Variants in FSTL4 observed in about 807,000 individuals in gnomAD.
FSTL4 encodes follistatin-related protein 4.
A neutral mutation model predicts 78.2 loss-of-function variants in FSTL4; 28 were observed. That is an observed-to-expected ratio of 0.36 (90% confidence interval 0.27 to 0.49). The LOEUF (loss-of-function observed/expected upper bound fraction) is 0.49. Among genes scored for constraint, FSTL4 ranks in the 20% least tolerant of loss-of-function variants. The pLI is 0.98. For synonymous variants in FSTL4, 422 were observed against 440.5 expected (o/e 0.96, Z 0.53); for missense variants, 922 against 1,084.9 (o/e 0.85, Z 2.11).
intron 6 of FSTL4, among the ~76,000 whole-genome samples, chr5:133,288,942 C>G (rs1374413230): frequency 6.6e-6 from 1 of 152,264 alleles, no homozygotes; most frequent in Admixed American, 6.5e-5. Flanking sequence ...AGGCTGCTCT[C>G]CATACCCTAG....
At chr5:133,411,379 A>T (rs1756474660) in intron 3 of FSTL4, among the ~76,000 whole-genome samples, 1 of 152,202 alleles carries the variant, frequency 6.6e-6, no homozygotes, top group Admixed American at 6.5e-5. Flanking sequence ...CAACAAGAAA[A>T]TCAGGAGAAT....
At chr5:133,554,512 T>C (rs1173586070) in intron 3 of FSTL4, among the ~76,000 whole-genome samples, 1 of 152,168 alleles carries the variant, frequency 6.6e-6, no homozygotes, top group Non-Finnish European at 1.5e-5. Context: ...AAAGTGAAAT[T>C]TGAAATGTGG....
intron 3 of FSTL4, among the ~76,000 whole-genome samples, chr5:133,462,879 G>T (rs1757626374): frequency 6.6e-6 from 1 of 152,308 alleles, no homozygotes. Flanking sequence ...CTGTAACCTA[G>T]AGAGCAGGTG....
In FSTL4 at chr5:133,440,637, T is replaced by C. The variant is rs184024022; in HGVS notation, c.161-39651A>G. Among the ~76,000 whole-genome samples the C allele has an allele frequency of 3.3e-5, 5 of 152,328 alleles. No individual in the cohort carries two copies. Among genetic ancestry groups the C allele is most frequent in the South Asian group, 2.1e-4 (1 of 4,834 alleles). On this transcript the variant is annotated intron_variant, in intron 3 of 15. Transcript: ENST00000265342. This position sits in a 1 kb window ranked among gnomAD's most constrained non-coding sequence, Gnocchi z 4.1. Reference sequence around the variant, plus strand: ...TCACCTCCCTGGAGGCACAGGGTAGTGGCCTGAGTCATTCCACTGGCAGAA... The same window carrying C: ...TCACCTCCCTGGAGGCACAGGGTAGCGGCCTGAGTCATTCCACTGGCAGAA...
chr5:133,249,324 C>T (rs545424687), intron 7 of FSTL4, 86 bp downstream of exon 7: 41 of 1,052,646 alleles, frequency 3.9e-5, no homozygotes, highest in Middle Eastern at 2.0e-4. Context: ...AAAACTCTCC[C>T]GTCCTGCCAC....
intron 7 of FSTL4, among the ~76,000 whole-genome samples, chr5:133,240,504 G>A (rs534753378): frequency 6.1e-4 from 93 of 152,314 alleles, no homozygotes; most frequent in African/African-American, 2.2e-3. Flanking sequence ...GTTCAGGCCT[G>A]GAAGAGGGAG....
chr5:133,237,571 G>C (rs1751700376), intron 7 of FSTL4, among the ~76,000 whole-genome samples: 2 of 152,188 alleles, frequency 1.3e-5, no homozygotes, highest in Non-Finnish European at 2.9e-5. Context: ...CGGAGGAGAA[G>C]CTGACTCTGT....
At chr5:133,267,456 C>T (rs1752669162) in intron 6 of FSTL4, among the ~76,000 whole-genome samples, 1 of 152,166 alleles carries the variant, frequency 6.6e-6, no homozygotes, top group African/African-American at 2.4e-5. Context: ...GGGTGAGGAA[C>T]ATCTGCCCAT....
chr5:133,448,861 C>G (rs1386549356), intron 3 of FSTL4, among the ~76,000 whole-genome samples: 1 of 151,982 alleles, frequency 6.6e-6, no homozygotes, highest in Non-Finnish European at 1.5e-5. Context: ...GTCCCCAAAT[C>G]TAGTTCTCTT....
chr5:133,545,298 A>C (rs1759553887), intron 3 of FSTL4, among the ~76,000 whole-genome samples: 1 of 152,188 alleles, frequency 6.6e-6, no homozygotes, highest in Admixed American at 6.5e-5. Context: ...TAGGTCACTA[A>C]GAGGGATTCA....
chr5:133,525,038 CCT>C lies in FSTL4; in HGVS notation c.160+42146_160+42147del, dbSNP rs1469191594. Among the ~76,000 whole-genome samples the C allele has an allele frequency of 2.6e-5, 4 of 152,282 alleles. No individual in the cohort carries two copies. The East Asian group carries it at 7.7e-4, about 29-fold the overall frequency. Reference sequence around the variant, plus strand: ...TCCTCTGAAACTTTACCTTTTTAACCCTGTTACATGGAGTCTTCCCAGCAGAC... The same window carrying C: ...TCCTCTGAAACTTTACCTTTTTAACCGTTACATGGAGTCTTCCCAGCAGAC... On this transcript the variant is annotated intron_variant, in intron 3 of 15. Transcript: ENST00000265342.
At chr5:133,767,967 G>T in the FSTL4 span, among the ~76,000 whole-genome samples, 1 of 152,154 alleles carries the variant, frequency 6.6e-6, no homozygotes. Flanking sequence ...GTCAAGGCAT[G>T]GCCAAGATTA....
chr5:133,684,232 C>G, the FSTL4 span, among the ~76,000 whole-genome samples: 63,947 of 152,002 alleles, frequency 0.42, 13,937 homozygotes, highest in African/African-American at 0.54. Context: ...AGATAGCAGG[C>G]GGGGATGCTC....
At chr5:133,279,296 A>T (rs980717319) in intron 6 of FSTL4, among the ~76,000 whole-genome samples, 2 of 152,186 alleles carry the variant, frequency 1.3e-5, no homozygotes, top group African/African-American at 4.8e-5. Context: ...CAAACCCTAT[A>T]GCGAACTGTG....
At chr5:133,697,633 G>A in the FSTL4 span, among the ~76,000 whole-genome samples, 1 of 152,176 alleles carries the variant, frequency 6.6e-6, no homozygotes, top group African/African-American at 2.4e-5. Context: ...TCTGAAATGG[G>A]CCCCTTCTGG....
the FSTL4 span, among the ~76,000 whole-genome samples, chr5:133,753,206 C>G: frequency 1.4e-4 from 21 of 152,308 alleles, no homozygotes; most frequent in African/African-American, 5.1e-4. Flanking sequence ...GAAGGGGCAG[C>G]CTTCTCCTCT....
chr5:133,299,716 G>A (rs1753488923), intron 6 of FSTL4, among the ~76,000 whole-genome samples: 1 of 152,156 alleles, frequency 6.6e-6, no homozygotes. Flanking sequence ...CTGAAAGGCT[G>A]CCCCATCACC....
chr5:133,430,171 C>G (rs1756904515), intron 3 of FSTL4, among the ~76,000 whole-genome samples: 1 of 152,196 alleles, frequency 6.6e-6, no homozygotes, highest in African/African-American at 2.4e-5. Context: ...GACTTTCACA[C>G]TAGGGGCAAA....
chr5:133,625,874 TATATATATATATTCC>T, the FSTL4 span, among the ~76,000 whole-genome samples: 1 of 68 alleles, frequency 0.015, no homozygotes, highest in Non-Finnish European at 0.023. Flanking sequence ...ATATATTCCA[TATATATATATATTCC>T]ATATATATAT....
Sources: allele counts gnomAD v4.1 joint callset (sites outside exome capture counted in the v4.1 genomes callset), GRCh38; gene constraint gnomAD v4.1.1; non-coding constraint Gnocchi (gnomAD v3.1); transcripts MANE v1.5; gene names NCBI Gene and HGNC (gene_info 2026-07-23, HGNC 2026-07-21).